Variants in VWC2L observed in about 807,000 individuals in gnomAD.
VWC2L encodes von Willebrand factor C domain-containing protein 2-like.
A neutral mutation model predicts 21.6 loss-of-function variants in VWC2L; 10 were observed. The ratio of observed to expected loss-of-function variants is 0.46; its 90% confidence interval spans 0.29 to 0.78. The LOEUF (loss-of-function observed/expected upper bound fraction) is 0.78, where lower values mean the gene tolerates loss of function less well. Among genes scored for constraint, VWC2L ranks in the 30% least tolerant of loss-of-function variants. The probability of loss-of-function intolerance (pLI) is 0.10; values close to 1 mark genes in which losing one functional copy is unlikely to be tolerated. For synonymous variants in VWC2L, 96 were observed against 94.3 expected, an observed-to-expected ratio of 1.02 and a Z score of -0.10; for missense variants, 209 against 277.1, an observed-to-expected ratio of 0.75 and a Z score of 1.74.
intron 3 of VWC2L, among the ~76,000 whole-genome samples, chr2:214,567,577 C>CAG (rs1197923993): frequency 2.6e-4 from 19 of 73,794 alleles, no homozygotes; most frequent in Middle Eastern, 5.7e-3. Flanking sequence ...CACACACACA[C>CAG]ACACACACAC....
At chr2:214,496,297 G>A (rs1386894596) in intron 3 of VWC2L, among the ~76,000 whole-genome samples, 1 of 121,630 alleles carries the variant, frequency 8.2e-6, no homozygotes, top group Non-Finnish European at 1.9e-5. Context: ...ACTTTATGTG[G>A]CACATGAGTA....
intron 3 of VWC2L, among the ~76,000 whole-genome samples, chr2:214,477,877 G>A (rs976876085): frequency 2.6e-5 from 4 of 152,126 alleles, no homozygotes; most frequent in South Asian, 4.1e-4. Flanking sequence ...TTGTTCTGAC[G>A]GTTTCTGTAT....
chr2:214,514,610 C>T (rs1212155861), intron 3 of VWC2L, among the ~76,000 whole-genome samples: 1 of 152,168 alleles, frequency 6.6e-6, no homozygotes, highest in Non-Finnish European at 1.5e-5. Flanking sequence ...AATCATGATA[C>T]ATTTTTGCAA....
chr2:214,494,994 T>A (rs1688792800), intron 3 of VWC2L, among the ~76,000 whole-genome samples: 1 of 152,186 alleles, frequency 6.6e-6, no homozygotes. Flanking sequence ...TGCCTTCTAA[T>A]ACAGCATAGT....
intron 3 of VWC2L, among the ~76,000 whole-genome samples, chr2:214,534,374 A>G (rs927799474): frequency 6.6e-6 from 1 of 152,122 alleles, no homozygotes; most frequent in Non-Finnish European, 1.5e-5. Context: ...AGTTCATTGT[A>G]TCTCTGCGTT....
At chr2:214,516,770 G>A (rs1689150666) in intron 3 of VWC2L, among the ~76,000 whole-genome samples, 1 of 152,056 alleles carries the variant, frequency 6.6e-6, no homozygotes, top group Non-Finnish European at 1.5e-5. Flanking sequence ...TAAGAGCTTT[G>A]AGGCATGTAG....
chr2:214,475,135 G>A (rs973190133), intron 3 of VWC2L, among the ~76,000 whole-genome samples: 2 of 152,108 alleles, frequency 1.3e-5, no homozygotes, highest in African/African-American at 4.8e-5. Context: ...CATTGTAGAT[G>A]TAAAAGAAAT....
rs1206287328 is a variant in VWC2L at position 214,436,747 on chromosome 2, T to C, written c.509T>C (p.Val170Ala). The change falls in exon 3 of 4, where the codon GTC becomes GCC. Residue 170 changes from valine to alanine, a missense_variant. Coordinates refer to ENST00000312504, the MANE Select transcript of VWC2L (RefSeq NM_001080500.4). ...PVYEPEQCCP[V>A]CKNGPNCFAG... ...TATGAACCAGAACAATGTTGTCCTG[T>C]CTGCAAAAATGGTAAGACCACACTG... The C allele has an allele frequency of 9.3e-6, 15 of 1,613,110 alleles. No individual in the cohort carries two copies. Among genetic ancestry groups the C allele is most frequent in the Non-Finnish European group, 1.2e-5 (14 of 1,179,298 alleles).
At chr2:214,542,038 A>G (rs554724216) in intron 3 of VWC2L, among the ~76,000 whole-genome samples, 7 of 152,104 alleles carry the variant, frequency 4.6e-5, no homozygotes, top group Admixed American at 4.6e-4. Context: ...GAGGTCATTC[A>G]TTATCGGACA....
intron 3 of VWC2L, among the ~76,000 whole-genome samples, chr2:214,473,423 A>C (rs973814775): frequency 3.9e-5 from 6 of 152,178 alleles, no homozygotes; most frequent in Admixed American, 1.3e-4. Context: ...TTCCAAGTTA[A>C]GTTTCAAAGA....
intron 3 of VWC2L, among the ~76,000 whole-genome samples, chr2:214,517,252 C>G (rs1689158178): frequency 6.6e-6 from 1 of 152,168 alleles, no homozygotes; most frequent in Non-Finnish European, 1.5e-5. Context: ...GGTTTCCTTC[C>G]TATGTATGGG....
chr2:214,436,826 A>T, intron 3 of VWC2L, 68 bp downstream of exon 3: 3 of 1,578,364 alleles, frequency 1.9e-6, no homozygotes, highest in Non-Finnish European at 2.6e-6. Context: ...ACTACTGCAT[A>T]CCATTCAATG....
intron 3 of VWC2L, among the ~76,000 whole-genome samples, chr2:214,486,911 T>C (rs1688679996): frequency 6.6e-6 from 1 of 152,220 alleles, no homozygotes; most frequent in Non-Finnish European, 1.5e-5. Flanking sequence ...CCAAAATTCC[T>C]ATGTTGACGT....
intron 3 of VWC2L, among the ~76,000 whole-genome samples, chr2:214,546,240 T>C (rs969539266): frequency 3.3e-5 from 5 of 152,186 alleles, no homozygotes; most frequent in Non-Finnish European, 2.9e-5. Flanking sequence ...TACTAAGCAG[T>C]GTGAAGGAAT....
Position 214,576,842 on chromosome 2 carries a change from C to T in VWC2L, c.*1022C>T, listed in dbSNP as rs1034302965. On this transcript the variant is annotated 3_prime_UTR_variant, in exon 4 of 4. Transcript: ENST00000312504. ...TGTGTTTGCCATGTTGTAGTAACAA[C>T]CACTCAGCCCTATGTCTGAAACACA... is the stretch of plus-strand genomic sequence containing the variant. 5.9e-5 allele frequency: 9 copies of T among 152,168 alleles called. No individual in the cohort carries two copies. Among genetic ancestry groups the T allele is most frequent in the African/African-American group, 2.2e-4 (9 of 41,434 alleles). The allele number at this position is 152,168 out of a possible 1,614,324, so 9.4% of individuals were successfully genotyped here.
At chr2:214,453,272 GGTT>G (rs1472868703) in intron 3 of VWC2L, among the ~76,000 whole-genome samples, 1 of 151,850 alleles carries the variant, frequency 6.6e-6, no homozygotes, top group African/African-American at 2.4e-5. Context: ...CTGATTGAAG[GGTT>G]TTTTTTTAAA....
intron 2 of VWC2L, among the ~76,000 whole-genome samples, chr2:214,435,050 G>A (rs906785794): frequency 6.6e-6 from 1 of 152,128 alleles, no homozygotes; most frequent in Admixed American, 6.6e-5. Flanking sequence ...AATTAACCAA[G>A]GAAAGGGGAA....
intron 3 of VWC2L, among the ~76,000 whole-genome samples, chr2:214,515,961 G>A (rs772066813): frequency 6.6e-5 from 10 of 152,098 alleles, no homozygotes; most frequent in Non-Finnish European, 1.2e-4. Context: ...TCTTTATGCT[G>A]CCTCAGAAAG....
chr2:214,503,464 G>C (rs921776967), intron 3 of VWC2L, among the ~76,000 whole-genome samples: 5 of 152,160 alleles, frequency 3.3e-5, no homozygotes, highest in Admixed American at 1.3e-4. Context: ...TTATATTGAG[G>C]AAGAGAGAGG....
Sources: allele counts gnomAD v4.1 joint callset (sites outside exome capture counted in the v4.1 genomes callset), GRCh38; gene constraint gnomAD v4.1.1; transcripts MANE v1.5; gene names NCBI Gene and HGNC (gene_info 2026-07-23, HGNC 2026-07-21).